PPFIA2: variants seen among roughly 807,000 people sequenced by gnomAD.
The protein encoded by PPFIA2 is liprin-alpha-2.
Under a neutral mutation model 175.5 loss-of-function variants are expected in PPFIA2, and 46 were observed. The observed-to-expected ratio is 0.26, with a 90% CI of 0.21 to 0.34. The LOEUF (loss-of-function observed/expected upper bound fraction) is 0.34, where lower values mean the gene tolerates loss of function less well. PPFIA2 is among the 10% of genes least tolerant of loss of function. The probability of loss-of-function intolerance (pLI) is 1.00; values close to 1 mark genes in which losing one functional copy is unlikely to be tolerated. For synonymous variants in PPFIA2, 568 were observed against 511.4 expected (o/e 1.11, Z -1.49); for missense variants, 1,179 against 1,506.1 (o/e 0.78, Z 3.60).
Position 81,658,625 on chromosome 12 carries a change from G to A in PPFIA2, c.303+18166C>T, listed in dbSNP as rs115447339. Among the ~76,000 whole-genome samples, 659 of 151,970 alleles carry A rather than the reference G, an allele frequency of 4.3e-3. 6 individuals carry two copies. The highest frequency in any genetic ancestry group is 0.015 in the African/African-American group (621 of 41,520). On this transcript the variant is annotated intron_variant, in intron 4 of 32. Coordinates refer to ENST00000549396, the MANE Select transcript of PPFIA2 (RefSeq NM_003625.5). Reference sequence around the variant, plus strand: ...AAGAATTTAAAAGATCAAGAAACCTGTTCTATTTGCTGTAGAAGAATATAC... The same window carrying A: ...AAGAATTTAAAAGATCAAGAAACCTATTCTATTTGCTGTAGAAGAATATAC...
chr12:81,605,555 G>A (rs2153460610), intron 4 of PPFIA2, among the ~76,000 whole-genome samples: 1 of 151,902 alleles, frequency 6.6e-6, no homozygotes, highest in East Asian at 1.9e-4. Flanking sequence ...AGCCCAGATG[G>A]ACAATACATC....
At chr12:81,478,582 C>T (rs2057783953) in intron 4 of PPFIA2, among the ~76,000 whole-genome samples, 1 of 152,184 alleles carries the variant, frequency 6.6e-6, no homozygotes, top group African/African-American at 2.4e-5. Flanking sequence ...CTAAACACTG[C>T]TTTAGCTGTG....
chr12:81,710,524 T>A (rs2077756227), intron 3 of PPFIA2, among the ~76,000 whole-genome samples: 1 of 152,054 alleles, frequency 6.6e-6, no homozygotes, highest in Non-Finnish European at 1.5e-5. Flanking sequence ...CAGGTATAAA[T>A]ATAGTTTGAG....
At chr12:81,344,750 T>C in intron 18 of PPFIA2, 57 bp from the exon 19 acceptor site, 1 of 1,310,060 alleles carries the variant, frequency 7.6e-7, no homozygotes, top group Non-Finnish European at 1.1e-6. Context: ...TAACAATCAT[T>C]TGACCAAGTT....
intron 4 of PPFIA2, among the ~76,000 whole-genome samples, chr12:81,553,407 G>A (rs1189272441): frequency 1.3e-5 from 2 of 151,992 alleles, no homozygotes; most frequent in African/African-American, 4.8e-5. Flanking sequence ...ACGTTAGCTT[G>A]TCCTACTCCC....
intron 20 of PPFIA2, 107 bp from the exon 21 acceptor site, chr12:81,339,441 T>G (rs2057682188): frequency 1.1e-6 from 1 of 900,142 alleles, no homozygotes; most frequent in East Asian, 3.3e-5. Context: ...TGTAATGTTG[T>G]TTTTTCCCCT....
In PPFIA2 at chr12:81,294,469, G is replaced by A. The variant is rs975348936; in HGVS notation, c.2925+366C>T. On this transcript the variant is annotated intron_variant, in intron 24 of 32. Coordinates refer to ENST00000549396, the MANE Select transcript of PPFIA2 (RefSeq NM_003625.5). ...AGGAAGGAAGGAAGGAAGGAAGGAA[G>A]GAAGGAAGGAAGGAAGGAAAGAAGG... The A allele has an allele frequency of 8.7e-5, 16 of 183,998 alleles. No individual in the cohort carries two copies. The Admixed American group carries it at 8.8e-4, about 10-fold the overall frequency. The allele number at this position is 183,998 out of a possible 1,614,324, so 11.4% of individuals were successfully genotyped here.
intron 8 of PPFIA2, among the ~76,000 whole-genome samples, chr12:81,403,455 G>A (rs781012083): frequency 6.6e-6 from 1 of 152,162 alleles, no homozygotes; most frequent in Non-Finnish European, 1.5e-5. Flanking sequence ...TGGTTATATT[G>A]TTAGAGTAGG....
At chr12:81,643,108 T>A (rs2065574634) in intron 4 of PPFIA2, among the ~76,000 whole-genome samples, 1 of 149,762 alleles carries the variant, frequency 6.7e-6, no homozygotes, top group African/African-American at 2.4e-5. Flanking sequence ...CATAAATATA[T>A]TCATTTTATT....
intron 4 of PPFIA2, among the ~76,000 whole-genome samples, chr12:81,466,296 A>C (rs2055613452): frequency 6.6e-6 from 1 of 152,186 alleles, no homozygotes; most frequent in Admixed American, 6.5e-5. Context: ...ATAGAAGACT[A>C]TGTTAACATA....
chr12:81,343,335 TTA>T (rs1260871491), intron 19 of PPFIA2, among the ~76,000 whole-genome samples: 2 of 152,062 alleles, frequency 1.3e-5, no homozygotes, highest in African/African-American at 4.8e-5. Context: ...GCCATTAAAC[TTA>T]TATAGTCTTT....
chr12:81,413,489 G>C (rs986246068), intron 7 of PPFIA2, among the ~76,000 whole-genome samples: 2 of 151,770 alleles, frequency 1.3e-5, no homozygotes. Flanking sequence ...TGGCTTTGTA[G>C]GAAAGTCACT....
chr12:81,592,438 T>C (rs1000651751), intron 4 of PPFIA2, among the ~76,000 whole-genome samples: 1 of 152,126 alleles, frequency 6.6e-6, no homozygotes, highest in African/African-American at 2.4e-5. Context: ...TATGGTTTGA[T>C]TCTGTCCCCA....
chr12:81,368,032 T>C, intron 13 of PPFIA2: 3 of 1,066,692 alleles, frequency 2.8e-6, no homozygotes, highest in Non-Finnish European at 2.5e-6. Flanking sequence ...GGAAAATGTC[T>C]AGCTAAAATA....
intron 14 of PPFIA2, among the ~76,000 whole-genome samples, chr12:81,363,162 T>C (rs1352092330): frequency 2.6e-5 from 4 of 151,348 alleles, no homozygotes; most frequent in African/African-American, 4.8e-5. Flanking sequence ...TCTATGAGGG[T>C]TAAAGGACAT....
intron 3 of PPFIA2, among the ~76,000 whole-genome samples, chr12:81,716,847 G>A (rs1219882197): frequency 6.6e-6 from 1 of 151,340 alleles, no homozygotes; most frequent in Non-Finnish European, 1.5e-5. Context: ...GAATGCTTTG[G>A]ATAAATAAAT....
intron 24 of PPFIA2, among the ~76,000 whole-genome samples, chr12:81,286,566 G>T (rs548532896): frequency 6.6e-6 from 1 of 152,142 alleles, no homozygotes; most frequent in South Asian, 2.1e-4. Context: ...TAGCCTAGGT[G>T]TGCAGTAGTC....
intron 3 of PPFIA2, among the ~76,000 whole-genome samples, chr12:81,706,465 C>A (rs940742747): frequency 6.6e-6 from 1 of 152,218 alleles, no homozygotes; most frequent in Non-Finnish European, 1.5e-5. Context: ...CTTCCACAAC[C>A]TTAAAAATTA....
chr12:81,642,682 T>TATAATATATA lies in PPFIA2; in HGVS notation c.303+34108_303+34109insTATATATTAT, dbSNP rs1202577443. Among the ~76,000 whole-genome samples, 19 of 95,864 alleles carry TATAATATATA rather than the reference T, an allele frequency of 2.0e-4. 3 individuals are homozygous for TATAATATATA. The highest frequency in any genetic ancestry group is 4.4e-4 in the Admixed American group (4 of 9,118). The allele number at this position is 95,864 out of a possible 152,430, so 62.9% of individuals were successfully genotyped here. On this transcript the variant is annotated intron_variant, in intron 4 of 32. Coordinates refer to ENST00000549396, the MANE Select transcript of PPFIA2 (RefSeq NM_003625.5). Reference sequence around the variant, plus strand: ...TCTATTATATACATACATGTATGTATCTATTATATACATACATGTATATGT... The same window carrying TATAATATATA: ...TCTATTATATACATACATGTATGTATATAATATATACTATTATATACATACATGTATATGT...
Sources: gnomAD v4.1 joint callset for allele counts (sites outside exome capture counted in the v4.1 genomes callset) on GRCh38, gnomAD v4.1.1 for gene constraint, MANE v1.5 for transcripts, NCBI Gene and HGNC (gene_info 2026-07-23, HGNC 2026-07-21) for gene names.